Variants in PLCG2 observed in about 807,000 individuals in gnomAD.
The protein encoded by PLCG2 is phospholipase C gamma 2.
Under a neutral mutation model 175.6 loss-of-function variants are expected in PLCG2, and 69 were observed. That is an observed-to-expected ratio of 0.39 (90% CI 0.32 to 0.48). The LOEUF is 0.48. Ranked by LOEUF, PLCG2 falls within the 20% of genes least tolerant of loss-of-function variation. PLCG2 has a pLI of 0.91. For synonymous variants in PLCG2, 827 were observed against 624.0 expected (o/e 1.33, Z -4.85); for missense variants, 1,798 against 1,650.9 (o/e 1.09, Z -1.54).
At chr16:81,949,233 T>C (rs1489508922) in intron 31 of PLCG2, among the ~76,000 whole-genome samples, 1 of 152,118 alleles carries the variant, frequency 6.6e-6, no homozygotes, top group Non-Finnish European at 1.5e-5. Context: ...ATTAATGAAA[T>C]AGCGAATAAA....
At chr16:81,848,414 C>T (rs917989502) in intron 2 of PLCG2, among the ~76,000 whole-genome samples, 6 of 152,156 alleles carry the variant, frequency 3.9e-5, no homozygotes, top group East Asian at 1.9e-4. Context: ...TGCGGATGTG[C>T]AGGGCTGCTT....
intron 1 of PLCG2, among the ~76,000 whole-genome samples, chr16:81,782,546 G>C (rs1397254876): frequency 6.6e-6 from 1 of 152,226 alleles, no homozygotes; most frequent in South Asian, 2.1e-4. Flanking sequence ...GGCAGGATTT[G>C]AATGGTGGAC....
chr16:81,862,662 G>C (rs1035849273), intron 5 of PLCG2, among the ~76,000 whole-genome samples: 2 of 152,184 alleles, frequency 1.3e-5, no homozygotes, highest in African/African-American at 2.4e-5. Context: ...TTGAGCTCAG[G>C]AGTTGGAGAC....
rs759887275 is a variant in PLCG2 at position 81,946,237 on chromosome 16, G to C, written c.3544G>C (p.Val1182Leu). The C allele has an allele frequency of 6.2e-7, 1 of 1,613,854 alleles. No individual in the cohort carries two copies. The highest frequency in any genetic ancestry group is 8.5e-7 in the Non-Finnish European group (1 of 1,179,810). ...SEDIELASLL[V>L]FCEMRPVLES... ...GGACATAGAGCTGGCTTCCCTCCTG[G>C]TTTTCTGTGAGATGCGGCCAGTCCT... The change falls in exon 31 of 33, where the codon GTT becomes CTT. Residue 1182 changes from valine (V) to leucine (L), a missense_variant. Transcript: ENST00000564138.
intron 6 of PLCG2, among the ~76,000 whole-genome samples, chr16:81,870,106 C>G (rs1232555621): frequency 6.6e-6 from 1 of 152,148 alleles, no homozygotes; most frequent in African/African-American, 2.4e-5. Context: ...CCCAATATTC[C>G]ACATTAATCC....
At chr16:81,799,214 C>G (rs971810335) in intron 2 of PLCG2, among the ~76,000 whole-genome samples, 2 of 152,132 alleles carry the variant, frequency 1.3e-5, no homozygotes, top group Admixed American at 1.3e-4. Context: ...GTGAGAAAAA[C>G]AACCCCTTAG....
At chr16:81,770,746 A>G (rs1270341299) in intron 2 of PLCG2, among the ~76,000 whole-genome samples, 1 of 152,010 alleles carries the variant, frequency 6.6e-6, no homozygotes. Flanking sequence ...CTTTCTGTTG[A>G]GGTATAACGT....
intron 12 of PLCG2, among the ~76,000 whole-genome samples, chr16:81,894,075 C>T (rs1460246960): frequency 6.7e-6 from 1 of 150,220 alleles, no homozygotes; most frequent in African/African-American, 2.5e-5. Context: ...GCAGCTGGGT[C>T]CTAGGTGTGC....
chr16:81,916,827 G>A (rs76616385), intron 19 of PLCG2, among the ~76,000 whole-genome samples: 37,926 of 151,846 alleles, frequency 0.25, 5,445 homozygotes, highest in East Asian at 0.54. Flanking sequence ...TGGTAAAGGT[G>A]GGGTTTCACC....
intron 2 of PLCG2, among the ~76,000 whole-genome samples, chr16:81,768,166 A>G (rs572446309): frequency 2.6e-5 from 4 of 151,960 alleles, no homozygotes; most frequent in Non-Finnish European, 5.9e-5. Flanking sequence ...GTGAGCCACC[A>G]TGCCCGGCCT....
intron 26 of PLCG2, 58 bp from the exon 27 acceptor site, chr16:81,936,111 T>C: frequency 6.3e-7 from 1 of 1,595,240 alleles, no homozygotes. Context: ...GCAGCAAACA[T>C]TAAGAAAATG....
At chr16:81,828,875 G>A (rs557142363) in intron 2 of PLCG2, among the ~76,000 whole-genome samples, 35 of 152,264 alleles carry the variant, frequency 2.3e-4, no homozygotes, top group Admixed American at 2.0e-3. Flanking sequence ...GCCGAGGTGG[G>A]TGGATCATGA....
At chr16:81,908,115 C>T (rs1392350183) in intron 16 of PLCG2, among the ~76,000 whole-genome samples, 1 of 152,168 alleles carries the variant, frequency 6.6e-6, no homozygotes, top group South Asian at 2.1e-4. Context: ...TTCTGCAGCC[C>T]CCAGGGCCTC....
intron 1 of PLCG2, among the ~76,000 whole-genome samples, chr16:81,744,147 C>T (rs1909655717): frequency 1.3e-5 from 2 of 150,920 alleles, no homozygotes; most frequent in South Asian, 2.1e-4. Context: ...TGTGAGCCAC[C>T]GTGCCCAGCC....
intron 2 of PLCG2, among the ~76,000 whole-genome samples, chr16:81,771,942 C>G (rs1430983029): frequency 6.6e-6 from 1 of 152,072 alleles, no homozygotes; most frequent in African/African-American, 2.4e-5. Flanking sequence ...GCCTCTACGC[C>G]TGGCTACTTT....
chr16:81,847,915 C>A (rs760334757), intron 2 of PLCG2, among the ~76,000 whole-genome samples: 7 of 152,196 alleles, frequency 4.6e-5, no homozygotes, highest in Non-Finnish European at 1.0e-4. Context: ...CGATCCCCAA[C>A]AGTCACTGAG....
chr16:81,784,293 C>T (rs1268227390), intron 1 of PLCG2, among the ~76,000 whole-genome samples: 2 of 152,198 alleles, frequency 1.3e-5, no homozygotes, highest in South Asian at 4.1e-4. Context: ...TAATGCCTTC[C>T]CCAATGGCTG....
intron 10 of PLCG2, among the ~76,000 whole-genome samples, chr16:81,890,520 G>A (rs1208105777): frequency 1.3e-5 from 2 of 152,164 alleles, no homozygotes; most frequent in African/African-American, 4.8e-5. Context: ...GTGTTGCCTG[G>A]GTGGGATTAT....
chr16:81,779,978 C>T (rs147093084), intron 1 of PLCG2, among the ~76,000 whole-genome samples: 3 of 152,304 alleles, frequency 2.0e-5, no homozygotes, highest in African/African-American at 4.8e-5. Context: ...TGTGTCTGTG[C>T]GTGTTGTGTT....
Sources: allele counts gnomAD v4.1 joint callset (sites outside exome capture counted in the v4.1 genomes callset), GRCh38; gene constraint gnomAD v4.1.1; transcripts MANE v1.5; gene names NCBI Gene and HGNC (gene_info 2026-07-23, HGNC 2026-07-21).